Variants in PPA1 observed in about 807,000 individuals in gnomAD.
PPA1 encodes the protein inorganic pyrophosphatase 1.
In PPA1, 23 loss-of-function variants were observed where a neutral mutation model predicts 41.8. The ratio of observed to expected loss-of-function variants is 0.55; its 90% CI spans 0.40 to 0.78. PPA1 has a LOEUF of 0.78. PPA1 is among the 30% of genes least tolerant of loss of function. PPA1 has a pLI of 0.00. For missense variants in PPA1, 320 were observed against 361.6 expected (o/e 0.89, Z 0.93); for synonymous variants, 101 against 116.8 (o/e 0.86, Z 0.87).
intron 2 of PPA1, among the ~76,000 whole-genome samples, chr10:70,223,111 T>A (rs1254217125): frequency 6.6e-6 from 1 of 152,046 alleles, no homozygotes; most frequent in Non-Finnish European, 1.5e-5. Flanking sequence ...ACGTCTATAA[T>A]CCTAGCACTT....
chr10:70,225,464 C>G (rs1840219759), intron 2 of PPA1, among the ~76,000 whole-genome samples: 1 of 152,016 alleles, frequency 6.6e-6, no homozygotes, highest in African/African-American at 2.4e-5. Context: ...ATTCGTCCAC[C>G]TAGGCTGCCC....
At chr10:70,228,428 T>C (rs550730157) in intron 2 of PPA1, among the ~76,000 whole-genome samples, 11 of 152,320 alleles carry the variant, frequency 7.2e-5, no homozygotes, top group Admixed American at 3.3e-4. Flanking sequence ...AGCATACCTG[T>C]ATGCCAGGGT....
intron 10 of PPA1, chr10:70,203,739 T>C (rs79028528): frequency 6.6e-6 from 1 of 152,382 alleles, no homozygotes; most frequent in African/African-American, 2.4e-5. Context: ...GGCAGAATCA[T>C]TTTCTTACCA....
intron 8 of PPA1, among the ~76,000 whole-genome samples, chr10:70,209,003 A>G (rs1396183429): frequency 6.6e-6 from 1 of 152,162 alleles, no homozygotes. Flanking sequence ...CATGTTGTCC[A>G]GGCTGGTCTT....
intron 4 of PPA1, 76 bp from the exon 5 acceptor site, chr10:70,214,662 T>A (rs1050688198): frequency 1.7e-6 from 2 of 1,144,352 alleles, no homozygotes; most frequent in Non-Finnish European, 2.6e-6. Context: ...ACAGATAACA[T>A]CCTATGACTC....
At chr10:70,226,613 C>T (rs1840233380) in intron 2 of PPA1, among the ~76,000 whole-genome samples, 1 of 151,702 alleles carries the variant, frequency 6.6e-6, no homozygotes, top group African/African-American at 2.4e-5. Flanking sequence ...TTCAGATAAG[C>T]TTTATGATGA....
chr10:70,233,381 C>T lies in PPA1; in HGVS notation c.-54G>A. ...CACAGAGCCACCAGCCCGCACGCGGCGCCGACTGACAAGGAGAGAGCCCCA... is the reference window on the plus strand; with the variant it reads ...CACAGAGCCACCAGCCCGCACGCGGTGCCGACTGACAAGGAGAGAGCCCCA... On this transcript the variant is annotated 5_prime_UTR_variant, in exon 1 of 11. Coordinates refer to ENST00000373232, the MANE Select transcript of PPA1 (RefSeq NM_021129.4). 6.6e-7 allele frequency: 1 copy of T among 1,524,766 alleles called. No individual in the cohort carries two copies. The highest frequency in any genetic ancestry group is 8.8e-7 in the Non-Finnish European group (1 of 1,140,098). 94.5% of individuals were successfully genotyped at this position (1,524,766 alleles called of 1,614,324 possible).
chr10:70,232,554 G>C (rs1840299708), intron 1 of PPA1, among the ~76,000 whole-genome samples: 1 of 152,224 alleles, frequency 6.6e-6, no homozygotes, highest in African/African-American at 2.4e-5. Context: ...GCCGAATCCT[G>C]CAAAGGTAAA....
At position 70,214,244 on chromosome 10, in the gene PPA1, G is replaced by C. The variant is rs542110748; in HGVS notation, c.384+256C>G. 2.6e-5 allele frequency among the ~76,000 whole-genome samples: 4 copies of C among 152,200 alleles called. No individual in the cohort carries two copies. The East Asian group carries it at 7.7e-4, about 29-fold the overall frequency. ...ATTGACTAATTATCCATCTTCTAAA[G>C]CAATGCAGAACATGTCCAGTTCTTC... On this transcript the variant is annotated intron_variant, in intron 5 of 10. Coordinates refer to ENST00000373232, the MANE Select transcript of PPA1 (RefSeq NM_021129.4).
At chr10:70,208,328 C>T (rs914080480) in intron 8 of PPA1, among the ~76,000 whole-genome samples, 2 of 152,002 alleles carry the variant, frequency 1.3e-5, no homozygotes, top group African/African-American at 4.8e-5. Flanking sequence ...AACTTAAAAG[C>T]CAAATCTTTT....
At chr10:70,211,823 CAACAG>C (rs1478460534) in intron 6 of PPA1, among the ~76,000 whole-genome samples, 2 of 152,274 alleles carry the variant, frequency 1.3e-5, no homozygotes, top group East Asian at 3.9e-4. Context: ...ACACACGGAC[CAACAG>C]AACAGAGCCG....
At chr10:70,221,079 T>A (rs71507037) in intron 2 of PPA1, among the ~76,000 whole-genome samples, 11,118 of 22,772 alleles carry the variant, frequency 0.49, 2,364 homozygotes, top group Non-Finnish European at 0.52. Context: ...TATATATATT[T>A]TTTTTTTTTT....
chr10:70,216,971 A>G (rs1840087966), intron 4 of PPA1, among the ~76,000 whole-genome samples: 2 of 152,108 alleles, frequency 1.3e-5, no homozygotes, highest in African/African-American at 4.8e-5. Flanking sequence ...GATCGAGACC[A>G]TCTGGCTAAC....
At chr10:70,232,775 A>G (rs1840302355) in intron 1 of PPA1, among the ~76,000 whole-genome samples, 1 of 151,954 alleles carries the variant, frequency 6.6e-6, no homozygotes, top group Non-Finnish European at 1.5e-5. Context: ...CGTCTGTAAA[A>G]CGAGGGGGTG....
intron 5 of PPA1, 35 bp from the exon 6 acceptor site, chr10:70,213,624 C>T (rs746845912): frequency 1.2e-6 from 2 of 1,606,332 alleles, no homozygotes; most frequent in East Asian, 2.2e-5. Context: ...GACAACATTA[C>T]AGAACCACAC....
chr10:70,214,652 A>G, intron 4 of PPA1, 66 bp from the exon 5 acceptor site: 1 of 1,282,996 alleles, frequency 7.8e-7, no homozygotes, highest in Non-Finnish European at 1.1e-6. Flanking sequence ...GTTGAGAATA[A>G]CAGATAACAT....
intron 8 of PPA1, among the ~76,000 whole-genome samples, chr10:70,207,859 T>C (rs1839964505): frequency 6.6e-6 from 1 of 152,182 alleles, no homozygotes. Flanking sequence ...TCCTATATAT[T>C]AGTCATTATA....
In PPA1 at chr10:70,217,864, G is replaced by A. The variant is rs146426252; in HGVS notation, c.245C>T (p.Ala82Val). 8 of 1,605,994 alleles carry A rather than the reference G, an allele frequency of 5.0e-6. No homozygotes were observed. Among genetic ancestry groups the A allele is most frequent in the Non-Finnish European group, 5.1e-6 (6 of 1,175,010 alleles). The change falls in exon 4 of 11, where the codon GCG becomes GTG. Residue 82 changes from alanine (A) to valine (V), a missense_variant. By Grantham distance (64) the Ala-to-Val change is moderately conservative. Coordinates refer to ENST00000373232, the MANE Select transcript of PPA1 (RefSeq NM_021129.4). ...DVKKGKLRYV[A>V]NLFPYKGYIW... The stretch of plus-strand genomic sequence containing the variant: ...ATATCCTTTATACGGGAACAAATTC[G>A]CAACATAGCGAAGTTTTCCTTTTTT...
chr10:70,212,424 C>A (rs1028245300), intron 6 of PPA1, among the ~76,000 whole-genome samples: 41 of 152,066 alleles, frequency 2.7e-4, no homozygotes, highest in Non-Finnish European at 1.5e-4. Flanking sequence ...CCAAAACAAC[C>A]CAAATGTCCA....
Sources: allele counts gnomAD v4.1 joint callset (sites outside exome capture counted in the v4.1 genomes callset), GRCh38; gene constraint gnomAD v4.1.1; transcripts MANE v1.5; gene names NCBI Gene and HGNC (gene_info 2026-07-23, HGNC 2026-07-21).